The following ROBO2 variants were observed in gnomAD, a reference collection of about 807,000 sequenced individuals.
ROBO2 encodes the protein roundabout homolog 2.
ROBO2 carries 53 observed loss-of-function variants against 160.8 expected under a neutral mutation model. The ratio of observed to expected loss-of-function variants is 0.33; its 90% CI spans 0.26 to 0.41. The LOEUF (loss-of-function observed/expected upper bound fraction) is 0.41. ROBO2 is among the 10% of genes least tolerant of loss of function. The pLI is 1.00. For missense variants in ROBO2, 1,577 were observed against 1,722.4 expected (o/e 0.92, Z 1.49); for synonymous variants, 664 against 611.7 (o/e 1.09, Z -1.26).
At chr3:76,508,022 TA>T (rs541119091) in intron 2 of ROBO2, among the ~76,000 whole-genome samples, 15 of 152,178 alleles carry the variant, frequency 9.9e-5, no homozygotes, top group Non-Finnish European at 1.5e-4. Flanking sequence ...GTCACTTATC[TA>T]AAGTAAAATC....
At chr3:76,632,984 T>C (rs929850257) in intron 2 of ROBO2, among the ~76,000 whole-genome samples, 5 of 152,194 alleles carry the variant, frequency 3.3e-5, no homozygotes, top group Non-Finnish European at 5.9e-5. Flanking sequence ...AAATGCATTA[T>C]AGCATTGCGC....
Position 77,135,698 on chromosome 3 carries a change from C to T in ROBO2, c.388+37358C>T, listed in dbSNP as rs374669479. Among the ~76,000 whole-genome samples the T allele has an allele frequency of 6.6e-5, 10 of 152,204 alleles. No homozygotes were observed. In the East Asian group the frequency reaches 1.5e-3, roughly 24 times the overall value. On this transcript the variant is annotated intron_variant, in intron 2 of 25. Coordinates refer to ENST00000461745, the Ensembl canonical transcript of ROBO2. The stretch of plus-strand genomic sequence containing the variant: ...TGCTGGGATTTACAAGCGTGAGCCA[C>T]CACACCCAGCCGCAATATCTTAATA...
At chr3:76,414,427 T>C (rs931933293) in intron 2 of ROBO2, among the ~76,000 whole-genome samples, 2 of 152,098 alleles carry the variant, frequency 1.3e-5, no homozygotes, top group Non-Finnish European at 2.9e-5. Flanking sequence ...CCAGTCATAC[T>C]ATGCAGCCAT....
chr3:76,067,660 A>T (rs760071865), intron 2 of ROBO2, among the ~76,000 whole-genome samples: 1 of 152,166 alleles, frequency 6.6e-6, no homozygotes, highest in African/African-American at 2.4e-5. Flanking sequence ...GTTTCTTCCA[A>T]TTACGAAGTA....
intron 2 of ROBO2, among the ~76,000 whole-genome samples, chr3:76,709,082 C>G (rs190940990): frequency 6.6e-6 from 1 of 152,164 alleles, no homozygotes; most frequent in Admixed American, 6.5e-5. Flanking sequence ...TTTTTATATC[C>G]TAAATCTGAG....
intron 2 of ROBO2, among the ~76,000 whole-genome samples, chr3:76,800,799 C>T (rs184529310): frequency 7.2e-5 from 11 of 152,078 alleles, no homozygotes; most frequent in Admixed American, 3.9e-4. Context: ...ACAGCCACTG[C>T]GGAGAACAGT....
At chr3:76,412,888 G>C (rs2075567286) in intron 2 of ROBO2, among the ~76,000 whole-genome samples, 1 of 152,220 alleles carries the variant, frequency 6.6e-6, no homozygotes, top group Non-Finnish European at 1.5e-5. Flanking sequence ...CCCCAGTAGA[G>C]ACTATGTGTG....
chr3:76,157,008 T>C (rs905235061), intron 2 of ROBO2, among the ~76,000 whole-genome samples: 3 of 152,034 alleles, frequency 2.0e-5, no homozygotes, highest in African/African-American at 7.2e-5. Flanking sequence ...AAGAAACAGT[T>C]GTAATTAAAG....
chr3:77,134,384 AAC>A (rs1358855622), intron 2 of ROBO2, among the ~76,000 whole-genome samples: 9 of 152,320 alleles, frequency 5.9e-5, no homozygotes, highest in African/African-American at 2.2e-4. Flanking sequence ...AAAATTTAAA[AAC>A]ACATTTGCGA....
At chr3:77,080,429 A>C (rs2068521725) in intron 1 of ROBO2, among the ~76,000 whole-genome samples, 2 of 152,304 alleles carry the variant, frequency 1.3e-5, no homozygotes, top group African/African-American at 2.4e-5. Flanking sequence ...GAGTCACAAC[A>C]GTTTGTGTTG....
At chr3:76,905,986 T>C (rs1021251675) in intron 2 of ROBO2, among the ~76,000 whole-genome samples, 7 of 152,168 alleles carry the variant, frequency 4.6e-5, no homozygotes, top group Non-Finnish European at 7.4e-5. Context: ...TAAGAACTGA[T>C]AGCTATCAAT....
At chr3:76,513,574 T>C (rs894357380) in intron 2 of ROBO2, among the ~76,000 whole-genome samples, 1 of 152,186 alleles carries the variant, frequency 6.6e-6, no homozygotes, top group East Asian at 1.9e-4. Flanking sequence ...TTGGCTATTA[T>C]GAGTATTTAA....
chr3:76,181,693 C>A (rs1701511591), intron 2 of ROBO2, among the ~76,000 whole-genome samples: 1 of 152,040 alleles, frequency 6.6e-6, no homozygotes, highest in South Asian at 2.1e-4. Flanking sequence ...TTTTAATAGT[C>A]ATTTCCTCAT....
chr3:75,962,870 TTTG>T (rs1055963722), intron 2 of ROBO2, among the ~76,000 whole-genome samples: 4 of 151,774 alleles, frequency 2.6e-5, no homozygotes, highest in Non-Finnish European at 4.4e-5. Context: ...TGGGTAGGGT[TTTG>T]TTGTTGTTGT....
intron 2 of ROBO2, among the ~76,000 whole-genome samples, chr3:76,488,061 CG>C (rs2079597614): frequency 6.6e-6 from 1 of 152,168 alleles, no homozygotes; most frequent in Non-Finnish European, 1.5e-5. Flanking sequence ...CATATAAACA[CG>C]GGGAGTCACG....
intron 2 of ROBO2, among the ~76,000 whole-genome samples, chr3:76,764,672 A>C (rs1252336042): frequency 1.3e-5 from 2 of 151,590 alleles, no homozygotes; most frequent in African/African-American, 4.8e-5. Flanking sequence ...TTTCAGAATG[A>C]CATTGTCTTC....
Position 76,673,998 on chromosome 3 carries a change from G to A in ROBO2, c.110-424016G>A, listed in dbSNP as rs56263101. Among the ~76,000 whole-genome samples, 848 of 152,166 alleles carry A rather than the reference G, an allele frequency of 5.6e-3. 4 individuals carry two copies. Among genetic ancestry groups the A allele is most frequent in the Middle Eastern group, 0.017 (5 of 294 alleles). On this transcript the variant is annotated intron_variant, in intron 2 of 26. Coordinates refer to the ROBO2 transcript ENST00000487694. ...TGGAAAGTTAGCTGGTTTTAGTGCT[G>A]TCTTTCATACATTCAGAGTTGGAAC...
chr3:76,366,685 A>G (rs1353513730), intron 2 of ROBO2, among the ~76,000 whole-genome samples: 4 of 152,042 alleles, frequency 2.6e-5, no homozygotes, highest in Non-Finnish European at 5.9e-5. Context: ...GAAAGCACAT[A>G]TTATGAAAAG....
chr3:76,051,893 T>G (rs752753100), intron 2 of ROBO2, among the ~76,000 whole-genome samples: 2 of 151,504 alleles, frequency 1.3e-5, no homozygotes, highest in East Asian at 3.9e-4. Context: ...TTTGAAGAGA[T>G]ATTTTTCTCT....
Sources: gnomAD v4.1 joint callset for allele counts (sites outside exome capture counted in the v4.1 genomes callset) on GRCh38, gnomAD v4.1.1 for gene constraint, MANE v1.5 for transcripts, NCBI Gene and HGNC (gene_info 2026-07-23, HGNC 2026-07-21) for gene names.